Variants in KCNK9 observed in about 807,000 individuals in gnomAD.
The protein encoded by KCNK9 is potassium two pore domain channel subfamily K member 9.
A neutral mutation model predicts 10.8 loss-of-function variants in KCNK9; 1 was observed. The observed-to-expected ratio is 0.09, with a 90% CI of 0.03 to 0.44. KCNK9 has a LOEUF of 0.44. Ranked by LOEUF, KCNK9 falls within the 20% of genes least tolerant of loss-of-function variation. The probability of loss-of-function intolerance (pLI) is 0.97; values close to 1 mark genes in which losing one functional copy is unlikely to be tolerated. For synonymous variants in KCNK9, 231 were observed against 222.7 expected (o/e 1.04, Z -0.33); for missense variants, 303 against 515.0 (o/e 0.59, Z 3.98).
At chr8:139,608,052 CA>C (rs779724155), downstream of KCNK9, among the ~76,000 whole-genome samples, 1 of 152,176 alleles carries the variant, frequency 6.6e-6, no homozygotes, top group Non-Finnish European at 1.5e-5. Context: ...GACTTTGAGA[CA>C]AAGACTCATG....
At position 139,617,538 on chromosome 8, in the gene KCNK9, A is replaced by G. The variant is rs975135171; in HGVS notation, c.*720T>C. The stretch of plus-strand genomic sequence containing the variant: ...CGTCTTGCCCACCCGCCCCTAAAAA[A>G]CATTAATATAATTTAGAACCTAGCA... On this transcript the variant is annotated 3_prime_UTR_variant, in exon 2 of 2. Transcript: ENST00000520439. Among the ~76,000 whole-genome samples, 1 of 152,192 alleles carries G rather than the reference A, an allele frequency of 6.6e-6. No individual in the cohort carries two copies. Among genetic ancestry groups the G allele is most frequent in the African/African-American group, 2.4e-5 (1 of 41,442 alleles).
Position 139,702,164 on chromosome 8 carries a change from G to C in KCNK9, c.283+546C>G, listed in dbSNP as rs1181615427. Among the ~76,000 whole-genome samples, 1 of 152,174 alleles carries C rather than the reference G, an allele frequency of 6.6e-6. No homozygotes were observed. The highest frequency in any genetic ancestry group is 1.5e-5 in the Non-Finnish European group (1 of 68,012). ...GGGGAAAAAAGGAGCCGGGCGGGGG[G>C]AAGAGAGATGAAATCTGAGCTCAGA... On this transcript the variant is annotated intron_variant, in intron 1 of 1. Transcript: ENST00000520439. The surrounding 1 kb of genome is among the most constrained non-coding windows in gnomAD (Gnocchi z 7.5).
intron 1 of KCNK9, among the ~76,000 whole-genome samples, chr8:139,651,107 G>A (rs1256372244): frequency 6.6e-6 from 1 of 152,156 alleles, no homozygotes; most frequent in Non-Finnish European, 1.5e-5. Flanking sequence ...CTGCAGGTCA[G>A]GGTGCATTTT....
chr8:139,642,485 C>T (rs796125481), intron 1 of KCNK9, among the ~76,000 whole-genome samples: 10 of 152,386 alleles, frequency 6.6e-5, no homozygotes, highest in African/African-American at 2.4e-4. Context: ...CCTTCCCACA[C>T]ATCCTGCTTC....
At chr8:139,655,160 A>T (rs1051587057) in intron 1 of KCNK9, among the ~76,000 whole-genome samples, 1 of 152,054 alleles carries the variant, frequency 6.6e-6, no homozygotes, top group African/African-American at 2.4e-5. Flanking sequence ...GCTGACAGTG[A>T]CGAGGGAATG....
At chr8:139,614,921 C>T (rs569686708), downstream of KCNK9, among the ~76,000 whole-genome samples, 5 of 152,294 alleles carry the variant, frequency 3.3e-5, no homozygotes, top group South Asian at 4.2e-4. Flanking sequence ...CTGGTGGGCT[C>T]ACCTTGGGTG....
At chr8:139,624,122 C>T (rs1402557407) in intron 1 of KCNK9, among the ~76,000 whole-genome samples, 1 of 152,224 alleles carries the variant, frequency 6.6e-6, no homozygotes, top group Admixed American at 6.5e-5. Flanking sequence ...GTACAAAGCC[C>T]CTGCACACAA....
At position 139,618,309 on chromosome 8, in the gene KCNK9, T is replaced by G. The variant is rs776743735; in HGVS notation, c.1074A>C (p.Leu358Phe). 1.2e-6 allele frequency: 2 copies of G among 1,614,166 alleles called. No individual in the cohort carries two copies. The highest frequency in any genetic ancestry group is 1.7e-6 in the Non-Finnish European group (2 of 1,180,032). ...GCCTCTGGTGGTCGGTAAAGCTGTG[T>G]AACCCAGGAGAGATGGAGCTAATAG... is the stretch of plus-strand genomic sequence containing the variant. ...PSPISSISPG[L>F]HSFTDHQRLM... Residue 358 changes from leucine to phenylalanine, a missense_variant, in exon 2 of 2, where the codon TTA becomes TTC. Physicochemically the swap from Leu to Phe is conservative, Grantham distance 22. Around this residue, in one of 5 missense-constraint regions of KCNK9, gnomAD observed 138 missense variants for 161.1 expected, o/e 0.86. Coordinates refer to ENST00000520439, the MANE Select transcript of KCNK9 (RefSeq NM_001282534.2). This position sits in a 1 kb window ranked among gnomAD's most constrained non-coding sequence, Gnocchi z 7.9.
intron 1 of KCNK9, among the ~76,000 whole-genome samples, chr8:139,695,082 G>A (rs1817019648): frequency 6.6e-6 from 1 of 152,130 alleles, no homozygotes; most frequent in Non-Finnish European, 1.5e-5. Flanking sequence ...TCCTTTCTTG[G>A]TCCCTAGCAC....
intron 1 of KCNK9, among the ~76,000 whole-genome samples, chr8:139,666,156 G>C (rs59486694): frequency 0.21 from 31,933 of 152,184 alleles, 5,436 homozygotes; most frequent in East Asian, 0.67. Flanking sequence ...AGAGAACTGA[G>C]AGGGGAGTCA....
intron 1 of KCNK9, among the ~76,000 whole-genome samples, chr8:139,623,136 G>A (rs1814845991): frequency 6.6e-6 from 1 of 152,148 alleles, no homozygotes; most frequent in Admixed American, 6.6e-5. Flanking sequence ...ATACAATAAA[G>A]AACATAGAAA....
At chr8:139,661,074 G>A (rs1165397170) in intron 1 of KCNK9, among the ~76,000 whole-genome samples, 3 of 152,346 alleles carry the variant, frequency 2.0e-5, no homozygotes, top group East Asian at 3.9e-4. Flanking sequence ...CAAACCCAGC[G>A]GGGCTGGACA....
chr8:139,683,581 C>CG lies in KCNK9; in HGVS notation c.283+19128dup, dbSNP rs149023250. ...ACGCATGGGGAGACTAAAGCCCAGA[C>CG]GGGGAAGCCAGGTCTGCCCGAGGGG... On this transcript the variant is annotated intron_variant, in intron 1 of 1. Transcript: ENST00000520439. 4.3e-3 allele frequency among the ~76,000 whole-genome samples: 659 copies of CG among 152,282 alleles called. 6 individuals are homozygous for CG. The highest frequency in any genetic ancestry group is 0.015 in the African/African-American group (625 of 41,556).
intron 1 of KCNK9, among the ~76,000 whole-genome samples, chr8:139,699,831 T>C (rs1264784114): frequency 6.6e-6 from 1 of 152,222 alleles, no homozygotes; most frequent in African/African-American, 2.4e-5. Context: ...AATAGCTGCA[T>C]CTGAGAAGAA....
chr8:139,689,572 A>G (rs1816891278), intron 1 of KCNK9, among the ~76,000 whole-genome samples: 2 of 151,954 alleles, frequency 1.3e-5, no homozygotes, highest in African/African-American at 4.8e-5. Flanking sequence ...GGGAGAAGTG[A>G]CAGCATCATG....
intron 1 of KCNK9, among the ~76,000 whole-genome samples, chr8:139,624,394 C>T (rs970154848): frequency 6.6e-6 from 1 of 152,236 alleles, no homozygotes; most frequent in Admixed American, 6.5e-5. Flanking sequence ...TCCAGGATGC[C>T]GGCATGTTCA....
downstream of KCNK9, among the ~76,000 whole-genome samples, chr8:139,608,629 C>T (rs533711040): frequency 3.4e-3 from 255 of 74,106 alleles, 2 homozygotes; most frequent in African/African-American, 0.012. Flanking sequence ...TGCGGGGGGG[C>T]GGGGCGGGGT....
At chr8:139,696,217 C>G (rs1817048475) in intron 1 of KCNK9, among the ~76,000 whole-genome samples, 1 of 152,124 alleles carries the variant, frequency 6.6e-6, no homozygotes, top group African/African-American at 2.4e-5. Context: ...CTCTTTACCA[C>G]TGGAGGCATT....
chr8:139,677,632 C>G (rs1816578961), intron 1 of KCNK9, among the ~76,000 whole-genome samples: 1 of 152,006 alleles, frequency 6.6e-6, no homozygotes, highest in African/African-American at 2.4e-5. Flanking sequence ...ACCATGCATC[C>G]CAGCCCAACA....
Sources: gnomAD v4.1 joint callset for allele counts (sites outside exome capture counted in the v4.1 genomes callset) on GRCh38, gnomAD v4.1.1 for gene constraint, gnomAD v4.1.1 regional missense constraint, Gnocchi (gnomAD v3.1) non-coding constraint, MANE v1.5 for transcripts, NCBI Gene and HGNC (gene_info 2026-07-23, HGNC 2026-07-21) for gene names.